The following UGT8 variants were observed in gnomAD, a reference collection of about 807,000 sequenced individuals.
UGT8 encodes 2-hydroxyacylsphingosine 1-beta-galactosyltransferase.
Under a neutral mutation model 40.5 loss-of-function variants are expected in UGT8, and 12 were observed. The observed-to-expected ratio is 0.30, with a 90% confidence interval of 0.19 to 0.48. UGT8 has a LOEUF of 0.48. Among genes scored for constraint, UGT8 ranks in the 20% least tolerant of loss-of-function variants. The probability of loss-of-function intolerance (pLI) is 0.99; values close to 1 mark genes in which losing one functional copy is unlikely to be tolerated. For synonymous variants in UGT8, 224 were observed against 240.4 expected, an observed-to-expected ratio of 0.93 and a Z score of 0.63; for missense variants, 513 against 648.7, an observed-to-expected ratio of 0.79 and a Z score of 2.27.
At chr4:114,657,428 C>G (rs748321469) in intron 2 of UGT8, among the ~76,000 whole-genome samples, 1 of 152,054 alleles carries the variant, frequency 6.6e-6, no homozygotes, top group Non-Finnish European at 1.5e-5. Flanking sequence ...TTGAAGGCAT[C>G]TTTTGAGATT....
intron 2 of UGT8, among the ~76,000 whole-genome samples, chr4:114,628,070 A>T (rs761666800): frequency 3.6e-4 from 55 of 152,234 alleles, no homozygotes; most frequent in Non-Finnish European, 1.0e-4. Context: ...TGTTTGTTCT[A>T]AATTTGTGTC....
chr4:114,643,387 T>C (rs1180635678), intron 2 of UGT8, among the ~76,000 whole-genome samples: 1 of 152,178 alleles, frequency 6.6e-6, no homozygotes, highest in Non-Finnish European at 1.5e-5. Context: ...CACCGAGCCA[T>C]ATAGTAACCA....
chr4:114,624,983 A>C (rs1732105095), intron 2 of UGT8, among the ~76,000 whole-genome samples: 1 of 152,204 alleles, frequency 6.6e-6, no homozygotes, highest in Non-Finnish European at 1.5e-5. Context: ...CTTCTCTGGC[A>C]GAGTCACCTT....
chr4:114,601,883 C>T (rs1469430726), intron 1 of UGT8, among the ~76,000 whole-genome samples: 1 of 150,882 alleles, frequency 6.6e-6, no homozygotes, highest in Non-Finnish European at 1.5e-5. Context: ...CTTTCTGCTG[C>T]TGTCAGACTG....
chr4:114,663,886 T>C (rs56147891), intron 2 of UGT8, 109 bp from the exon 3 acceptor site: 28,401 of 1,504,932 alleles, frequency 0.019, 347 homozygotes, highest in Non-Finnish European at 0.022. Flanking sequence ...TACTTTCTAA[T>C]TGTTTAAGAA....
intron 1 of UGT8, among the ~76,000 whole-genome samples, chr4:114,611,557 A>ACG (rs397975764): frequency 1.4e-5 from 2 of 146,514 alleles, no homozygotes; most frequent in African/African-American, 5.0e-5. Context: ...ACACACACAC[A>ACG]GATGTTAGAA....
At position 114,643,741 on chromosome 4, in the gene UGT8, G is replaced by C. The variant is rs145150968; in HGVS notation, c.822+20039G>C. Among the ~76,000 whole-genome samples, 1,094 of 152,082 alleles carry C rather than the reference G, an allele frequency of 7.2e-3. 16 individuals carry two copies. Among genetic ancestry groups the C allele is most frequent in the African/African-American group, 0.024 (1,013 of 41,488 alleles). ...CTAAGCATATTACATAAGAGTTAGA[G>C]AAAGGGAATCACTTTGGCTAACATA... is the stretch of plus-strand genomic sequence containing the variant. On this transcript the variant is annotated intron_variant, in intron 2 of 5. Coordinates refer to ENST00000310836, the MANE Select transcript of UGT8 (RefSeq NM_001128174.3).
chr4:114,626,441 A>G (rs1732226566), intron 2 of UGT8, among the ~76,000 whole-genome samples: 1 of 152,202 alleles, frequency 6.6e-6, no homozygotes, highest in Non-Finnish European at 1.5e-5. Flanking sequence ...TCTGTAAATG[A>G]TTTTACAGTG....
At chr4:114,631,145 T>C (rs1171200434) in intron 2 of UGT8, among the ~76,000 whole-genome samples, 1 of 152,152 alleles carries the variant, frequency 6.6e-6, no homozygotes, top group African/African-American at 2.4e-5. Context: ...TCCTATATTA[T>C]TTATTAGGTT....
chr4:114,667,324 GT>G (rs902659295), intron 4 of UGT8, among the ~76,000 whole-genome samples: 30 of 152,028 alleles, frequency 2.0e-4, no homozygotes, highest in African/African-American at 7.2e-4. Context: ...CAATGTTTTT[GT>G]TTTGTTTTGT....
At chr4:114,616,517 G>C (rs1185193525) in intron 1 of UGT8, among the ~76,000 whole-genome samples, 1 of 152,076 alleles carries the variant, frequency 6.6e-6, no homozygotes, top group Non-Finnish European at 1.5e-5. Context: ...CTTTGACTAG[G>C]AAAGGGAATT....
At chr4:114,641,248 A>C (rs1012967930) in intron 2 of UGT8, among the ~76,000 whole-genome samples, 1 of 152,196 alleles carries the variant, frequency 6.6e-6, no homozygotes, top group Non-Finnish European at 1.5e-5. Context: ...AGACAAGGTT[A>C]CCCTAAAATA....
At chr4:114,658,035 G>A (rs986010057) in intron 2 of UGT8, among the ~76,000 whole-genome samples, 7 of 152,178 alleles carry the variant, frequency 4.6e-5, no homozygotes, top group African/African-American at 1.4e-4. Flanking sequence ...GTTGTTTGTT[G>A]TTGTTGTTTA....
intron 2 of UGT8, among the ~76,000 whole-genome samples, chr4:114,663,097 A>G (rs1578463527): frequency 6.6e-6 from 1 of 151,928 alleles, no homozygotes; most frequent in East Asian, 1.9e-4. Flanking sequence ...TGCTGGGATT[A>G]CAGGCGTGAG....
chr4:114,647,356 TTGTGTGTGTG>T (rs34575248), intron 2 of UGT8, among the ~76,000 whole-genome samples: 12 of 143,286 alleles, frequency 8.4e-5, no homozygotes, highest in East Asian at 2.1e-4. Context: ...ATTAGCTCTT[TTGTGTGTGTG>T]TGTGTGTGTG....
At chr4:114,618,742 T>C (rs1307638025) in intron 1 of UGT8, among the ~76,000 whole-genome samples, 1 of 152,208 alleles carries the variant, frequency 6.6e-6, no homozygotes, top group Non-Finnish European at 1.5e-5. Flanking sequence ...TAAACATTTT[T>C]AATGGATTTA....
At position 114,662,864 on chromosome 4, in the gene UGT8, C is replaced by T. The variant is rs185775742; in HGVS notation, c.823-1131C>T. Among the ~76,000 whole-genome samples the T allele has an allele frequency of 4.2e-5, 6 of 144,166 alleles. No homozygotes were observed. In the East Asian group the frequency reaches 6.0e-4, roughly 14 times the overall value. The allele number at this position is 144,166 out of a possible 152,430, so 94.6% of individuals were successfully genotyped here. A position where few individuals can be genotyped will look rare whatever the true frequency, so the allele number is the denominator to read the frequency against. Reference sequence around the variant, plus strand: ...TTTTTGAGACAGAATCTCACTCTGTCGCCCAGGCTGGAGTGCAGTGGCACA... The same window carrying T: ...TTTTTGAGACAGAATCTCACTCTGTTGCCCAGGCTGGAGTGCAGTGGCACA... On this transcript the variant is annotated intron_variant, in intron 2 of 5. Transcript: ENST00000310836.
chr4:114,651,402 T>C (rs755828170), intron 2 of UGT8, among the ~76,000 whole-genome samples: 1 of 152,150 alleles, frequency 6.6e-6, no homozygotes, highest in Non-Finnish European at 1.5e-5. Flanking sequence ...TCTTTATACA[T>C]GTTTCTCTTT....
chr4:114,646,543 C>G (rs1733583030), intron 2 of UGT8, among the ~76,000 whole-genome samples: 1 of 152,102 alleles, frequency 6.6e-6, no homozygotes, highest in Non-Finnish European at 1.5e-5. Flanking sequence ...TAGCATTTCA[C>G]TACTGGGGTT....
Sources: allele counts gnomAD v4.1 joint callset (sites outside exome capture counted in the v4.1 genomes callset), GRCh38; gene constraint gnomAD v4.1.1; transcripts MANE v1.5; gene names NCBI Gene and HGNC (gene_info 2026-07-23, HGNC 2026-07-21).